MICU3: variants seen among roughly 807,000 people sequenced by gnomAD.
MICU3 encodes mitochondrial calcium uptake 3.
In MICU3, 62 loss-of-function variants were observed where a neutral mutation model predicts 66.5. The ratio of observed to expected loss-of-function variants is 0.93; its 90% CI spans 0.76 to 1.15. MICU3 has a LOEUF of 1.15. MICU3 is among the 50% of genes most tolerant of loss of function. The pLI, the probability that MICU3 is intolerant of heterozygous loss-of-function variation, is 0.00. For missense variants in MICU3, 779 were observed against 664.4 expected (o/e 1.17, Z -1.90); for synonymous variants, 308 against 240.7 (o/e 1.28, Z -2.59).
chr8:17,100,430 T>A (rs1801157638), intron 9 of MICU3, among the ~76,000 whole-genome samples: 1 of 151,774 alleles, frequency 6.6e-6, no homozygotes, highest in South Asian at 2.1e-4. Flanking sequence ...GTTACTACCC[T>A]CCCACATTAG....
At chr8:17,037,509 G>C (rs1284770344) in intron 1 of MICU3, among the ~76,000 whole-genome samples, 1 of 152,232 alleles carries the variant, frequency 6.6e-6, no homozygotes, top group Non-Finnish European at 1.5e-5. Flanking sequence ...TTTCCATGTG[G>C]TGTATGGAAA....
intron 4 of MICU3, among the ~76,000 whole-genome samples, chr8:17,079,550 A>T (rs962714495): frequency 6.6e-6 from 1 of 151,940 alleles, no homozygotes; most frequent in African/African-American, 2.4e-5. Flanking sequence ...GTTTTATTTT[A>T]TTTATTTATT....
At chr8:17,077,380 G>A (rs1179576436) in intron 3 of MICU3, among the ~76,000 whole-genome samples, 3 of 152,082 alleles carry the variant, frequency 2.0e-5, no homozygotes, top group Admixed American at 6.6e-5. Context: ...GAGACATTAC[G>A]TGAAGCCGGG....
At chr8:17,072,580 G>A (rs1394050550) in intron 3 of MICU3, among the ~76,000 whole-genome samples, 1 of 151,960 alleles carries the variant, frequency 6.6e-6, no homozygotes, top group South Asian at 2.1e-4. Context: ...TATGATGGAT[G>A]GGAGGATATG....
At chr8:17,110,742 G>GC (rs140105186) in intron 11 of MICU3, among the ~76,000 whole-genome samples, 7 of 114,558 alleles carry the variant, frequency 6.1e-5, no homozygotes, top group South Asian at 2.6e-4. Context: ...TTTTTGGGGA[G>GC]GGGGGGGTAG....
the MICU3 span, among the ~76,000 whole-genome samples, chr8:17,136,781 G>A: frequency 3.3e-5 from 5 of 152,014 alleles, no homozygotes; most frequent in African/African-American, 1.2e-4. Flanking sequence ...TAGGCTGGCA[G>A]TGCCGTGGTG....
At chr8:17,133,137 A>C in the MICU3 span, 3 of 152,236 alleles carry the variant, frequency 2.0e-5, no homozygotes, top group African/African-American at 7.2e-5. Context: ...CAGCTGAAAC[A>C]GACTAAGACA....
Position 17,110,042 on chromosome 8 carries a change from C to G in MICU3, c.1258-4051C>G, listed in dbSNP as rs140495461. On this transcript the variant is annotated intron_variant, in intron 11 of 14. Transcript: ENST00000318063. ...ATATACTTGCCATTTACATCAGTTACCAATAAACTTTGAACAGTATATATT... is the reference window on the plus strand; with the variant it reads ...ATATACTTGCCATTTACATCAGTTAGCAATAAACTTTGAACAGTATATATT... Among the ~76,000 whole-genome samples the G allele has an allele frequency of 2.7e-3, 409 of 152,224 alleles. 2 individuals are homozygous for G. The highest frequency in any genetic ancestry group is 9.4e-3 in the African/African-American group (390 of 41,538).
chr8:17,110,508 C>T (rs973708748), intron 11 of MICU3, among the ~76,000 whole-genome samples: 1 of 152,136 alleles, frequency 6.6e-6, no homozygotes, highest in Admixed American at 6.5e-5. Flanking sequence ...TCAGTGGAAT[C>T]ATATAGCATG....
chr8:17,064,192 A>T lies in MICU3; in HGVS notation c.490A>T (p.Thr164Ser), dbSNP rs1446784861. The change falls in exon 2 of 15, where the codon ACT (threonine) becomes TCT (serine). Residue 164 changes from threonine to serine, a missense_variant. Coordinates refer to ENST00000318063, the MANE Select transcript of MICU3 (RefSeq NM_181723.3). ...AGAATGTGAAGGGCAGTTATTCATG[A>T]CTCCGTATGATTTTATTTTGGCTGT... Reference protein sequence around the residue: ...SIECEGQLFMTPYDFILAVTT... With the variant: ...SIECEGQLFMSPYDFILAVTT... 3.1e-6 allele frequency: 5 copies of T among 1,612,472 alleles called. No homozygotes were observed. The highest frequency in any genetic ancestry group is 4.2e-6 in the Non-Finnish European group (5 of 1,179,064).
chr8:17,105,867 T>C (rs1251028974), intron 11 of MICU3, among the ~76,000 whole-genome samples: 1 of 152,088 alleles, frequency 6.6e-6, no homozygotes, highest in Non-Finnish European at 1.5e-5. Context: ...GAATTCCACT[T>C]AGCTCTATGC....
chr8:17,042,622 T>A (rs1585196005), intron 1 of MICU3, among the ~76,000 whole-genome samples: 1 of 152,240 alleles, frequency 6.6e-6, no homozygotes. Context: ...AGTGCTACCA[T>A]AGCATAGTAG....
Position 17,042,214 on chromosome 8 carries a change from AC to A in MICU3, c.381+14555del, listed in dbSNP as rs559984612. On this transcript the variant is annotated intron_variant, in intron 1 of 14. Coordinates refer to ENST00000318063, the MANE Select transcript of MICU3 (RefSeq NM_181723.3). ...TTACCCATGATGCAATATTTAACTT[AC>A]ACAGCAAATGCACCAAACTTATAAT... 2.2e-3 allele frequency among the ~76,000 whole-genome samples: 334 copies of A among 152,344 alleles called. 1 individual carries two copies. The highest frequency in any genetic ancestry group is 3.6e-3 in the Non-Finnish European group (248 of 68,024).
chr8:17,048,620 CATTTT>C (rs1815512063), intron 1 of MICU3, among the ~76,000 whole-genome samples: 1 of 152,086 alleles, frequency 6.6e-6, no homozygotes, highest in Non-Finnish European at 1.5e-5. Flanking sequence ...TTCTTTATTT[CATTTT>C]ATTTTATTGA....
chr8:17,137,544 C>G, the MICU3 span, among the ~76,000 whole-genome samples: 1 of 148,800 alleles, frequency 6.7e-6, no homozygotes, highest in Admixed American at 6.8e-5. Flanking sequence ...AAAAAGGGGG[C>G]CCTGTATTTT....
chr8:17,131,553 AG>A, the MICU3 span: 1 of 152,402 alleles, frequency 6.6e-6, no homozygotes, highest in Admixed American at 6.5e-5. Flanking sequence ...CTGGGATTCT[AG>A]GACTGAAAAG....
At chr8:17,028,950 CT>C (rs543663992) in intron 1 of MICU3, among the ~76,000 whole-genome samples, 239 of 152,240 alleles carry the variant, frequency 1.6e-3, no homozygotes, top group African/African-American at 5.3e-3. Context: ...ATTAATTTTA[CT>C]TTTACAGTTG....
intron 11 of MICU3, among the ~76,000 whole-genome samples, chr8:17,107,443 T>TG (rs1801832116): frequency 6.6e-6 from 1 of 152,146 alleles, no homozygotes; most frequent in Non-Finnish European, 1.5e-5. Context: ...TTGTAGGCGA[T>TG]GAGTAAGGAG....
intron 2 of MICU3, among the ~76,000 whole-genome samples, chr8:17,065,796 A>T (rs1241884762): frequency 6.6e-6 from 1 of 152,208 alleles, no homozygotes; most frequent in Non-Finnish European, 1.5e-5. Flanking sequence ...AATGAAGACG[A>T]TGAGTGTAAA....
Sources: allele counts gnomAD v4.1 joint callset (sites outside exome capture counted in the v4.1 genomes callset), GRCh38; gene constraint gnomAD v4.1.1; transcripts MANE v1.5; gene names NCBI Gene and HGNC (gene_info 2026-07-23, HGNC 2026-07-21).